The following COL28A1 variants were observed in gnomAD, a reference collection of about 807,000 sequenced individuals.
The protein encoded by COL28A1 is collagen alpha-1(XXVIII) chain.
In COL28A1, 161 loss-of-function variants were observed where a neutral mutation model predicts 150.2. That is an observed-to-expected ratio of 1.07 (90% CI 0.94 to 1.22). The LOEUF (loss-of-function observed/expected upper bound fraction) is 1.22, where lower values mean the gene tolerates loss of function less well. COL28A1 is among the 50% of genes most tolerant of loss of function. COL28A1 has a pLI of 0.00. For synonymous variants in COL28A1, 552 were observed against 469.7 expected, an observed-to-expected ratio of 1.18 and a Z score of -2.26; for missense variants, 1,617 against 1,388.3, an observed-to-expected ratio of 1.16 and a Z score of -2.62.
Position 7,484,302 on chromosome 7 carries a change from A to G in COL28A1, c.1164+5087T>C, listed in dbSNP as rs1162062537. 2.6e-5 allele frequency among the ~76,000 whole-genome samples: 4 copies of G among 152,202 alleles called. No homozygotes were observed. The East Asian group carries it at 7.7e-4, about 29-fold the overall frequency. On this transcript the variant is annotated intron_variant, in intron 13 of 34. Transcript: ENST00000399429. ...CAGCAGACAATGGAATTAGTACACA[A>G]TCCAGACTGCACCAGCTAAACTATT...
At chr7:7,349,824 A>G in the COL28A1 span, among the ~76,000 whole-genome samples, 1 of 152,160 alleles carries the variant, frequency 6.6e-6, no homozygotes, top group Non-Finnish European at 1.5e-5. Context: ...TAAGTAAGGA[A>G]GTAAAGAAGA....
chr7:7,474,059 T>C (rs1788671254), intron 15 of COL28A1, among the ~76,000 whole-genome samples: 1 of 142,260 alleles, frequency 7.0e-6, no homozygotes, highest in African/African-American at 2.6e-5. Flanking sequence ...ATATACTCTA[T>C]ATATATATGG....
chr7:7,383,798 T>G (rs1782031484), intron 27 of COL28A1, among the ~76,000 whole-genome samples: 1 of 151,314 alleles, frequency 6.6e-6, no homozygotes, highest in Non-Finnish European at 1.5e-5. Flanking sequence ...CTGATGCACA[T>G]TTAGGTTATT....
chr7:7,399,981 C>T (rs965901134), intron 27 of COL28A1, among the ~76,000 whole-genome samples: 7 of 152,226 alleles, frequency 4.6e-5, no homozygotes, highest in African/African-American at 1.7e-4. Flanking sequence ...GGCCTCCAAG[C>T]AAAGCATTCA....
chr7:7,435,982 C>T (rs1221495620), intron 23 of COL28A1, among the ~76,000 whole-genome samples: 2 of 152,128 alleles, frequency 1.3e-5, no homozygotes, highest in African/African-American at 4.8e-5. Flanking sequence ...ATTTGTCTTT[C>T]CCTTTGAAAT....
chr7:7,386,150 C>A (rs1782167561), intron 27 of COL28A1, among the ~76,000 whole-genome samples: 1 of 152,162 alleles, frequency 6.6e-6, no homozygotes, highest in Admixed American at 6.5e-5. Flanking sequence ...TTTCAGATGA[C>A]TGCTTGTTCT....
chr7:7,363,486 T>C (rs1234463403), intron 33 of COL28A1, among the ~76,000 whole-genome samples: 2 of 152,208 alleles, frequency 1.3e-5, no homozygotes. Context: ...AAATGCATAA[T>C]TATTACGGCT....
chr7:7,375,994 A>G (rs1781521163), intron 30 of COL28A1, among the ~76,000 whole-genome samples: 1 of 152,006 alleles, frequency 6.6e-6, no homozygotes. Context: ...CTAGTTCCTG[A>G]TTTTTCAAGT....
intron 15 of COL28A1, among the ~76,000 whole-genome samples, chr7:7,468,415 T>G (rs1160257121): frequency 1.8e-5 from 1 of 55,956 alleles, no homozygotes; most frequent in Non-Finnish European, 3.1e-5. Flanking sequence ...CAGGAAGAAG[T>G]TGAATCTCTG....
At chr7:7,455,941 T>C (rs1787129389) in intron 16 of COL28A1, 103 bp downstream of exon 16, 10 of 1,463,722 alleles carry the variant, frequency 6.8e-6, no homozygotes, top group Non-Finnish European at 8.3e-6. Flanking sequence ...TGCAATTAAC[T>C]GTCAAATATA....
chr7:7,426,869 G>C (rs1784665808), intron 25 of COL28A1, among the ~76,000 whole-genome samples: 1 of 152,174 alleles, frequency 6.6e-6, no homozygotes, highest in African/African-American at 2.4e-5. Context: ...TAGAAACCTT[G>C]AAAACATAAA....
intron 27 of COL28A1, among the ~76,000 whole-genome samples, chr7:7,409,591 A>T (rs1219961342): frequency 1.3e-5 from 2 of 152,172 alleles, no homozygotes; most frequent in African/African-American, 4.8e-5. Flanking sequence ...ACTTTTGGTG[A>T]TATTTTCAAA....
At chr7:7,495,449 G>C (rs1374000908) in intron 11 of COL28A1, among the ~76,000 whole-genome samples, 4 of 152,080 alleles carry the variant, frequency 2.6e-5, no homozygotes, top group Admixed American at 1.3e-4. Flanking sequence ...TGTCTTGTGG[G>C]GAGTTGGGGA....
intron 3 of COL28A1, among the ~76,000 whole-genome samples, chr7:7,530,379 A>G (rs1489351592): frequency 1.3e-5 from 2 of 152,212 alleles, no homozygotes; most frequent in African/African-American, 2.4e-5. Flanking sequence ...TAATGTTGAG[A>G]AAAAGATCGA....
intron 27 of COL28A1, 110 bp from the exon 28 acceptor site, chr7:7,381,722 A>C (rs1781884400): frequency 1.4e-6 from 1 of 696,452 alleles, no homozygotes; most frequent in South Asian, 1.8e-5. Context: ...GTATTATCTA[A>C]ATATTAGGGG....
chr7:7,410,660 CTGT>C (rs1225532924), intron 27 of COL28A1, among the ~76,000 whole-genome samples: 1 of 146,104 alleles, frequency 6.8e-6, no homozygotes, highest in Non-Finnish European at 1.5e-5. Context: ...TTTTTAAATG[CTGT>C]TGTTTATTTG....
At chr7:7,457,939 C>T (rs1325713903) in intron 15 of COL28A1, among the ~76,000 whole-genome samples, 1 of 152,116 alleles carries the variant, frequency 6.6e-6, no homozygotes, top group African/African-American at 2.4e-5. Flanking sequence ...ATACTTTGGG[C>T]TTGAGGGTCA....
chr7:7,354,460 G>C (rs1162870917), downstream of COL28A1, among the ~76,000 whole-genome samples: 4 of 152,104 alleles, frequency 2.6e-5, no homozygotes, highest in Non-Finnish European at 5.9e-5. Flanking sequence ...TCTTATTACA[G>C]AGTAGGGTGT....
intron 30 of COL28A1, 39 bp downstream of exon 30, chr7:7,380,621 G>C (rs1035190695): frequency 6.3e-7 from 1 of 1,588,028 alleles, no homozygotes; most frequent in East Asian, 2.2e-5. Context: ...AATTTTGCAA[G>C]CACAAAACCC....
Sources: allele counts gnomAD v4.1 joint callset (sites outside exome capture counted in the v4.1 genomes callset), GRCh38; gene constraint gnomAD v4.1.1; transcripts MANE v1.5; gene names NCBI Gene and HGNC (gene_info 2026-07-23, HGNC 2026-07-21).